The following GRM5 variants were observed in gnomAD, a reference collection of about 807,000 sequenced individuals.
GRM5 encodes the protein glutamate metabotropic receptor 5.
GRM5 carries 19 observed loss-of-function variants against 83.1 expected under a neutral mutation model. That is an observed-to-expected ratio of 0.23 (90% CI 0.16 to 0.34). The LOEUF (loss-of-function observed/expected upper bound fraction) is 0.34, where lower values mean the gene tolerates loss of function less well. Ranked by LOEUF, GRM5 falls within the 10% of genes least tolerant of loss-of-function variation. The pLI is 1.00. For synonymous variants in GRM5, 675 were observed against 633.6 expected (o/e 1.07, Z -0.98); for missense variants, 1,160 against 1,588.3 (o/e 0.73, Z 4.58).
rs115591319 is a variant in GRM5 at position 88,957,959 on chromosome 11, A to C, written c.661+89253T>G. On this transcript the variant is annotated intron_variant, in intron 2 of 9. Coordinates refer to ENST00000305447, the MANE Select transcript of GRM5 (RefSeq NM_001143831.3). ...GTTTTATCCTATCTCAAATTGTAGA[A>C]TCTTTTTAAGAACTATTTTTAATTT... Among the ~76,000 whole-genome samples the C allele has an allele frequency of 5.6e-3, 846 of 152,230 alleles. 6 individuals are homozygous for C. Among genetic ancestry groups the C allele is most frequent in the African/African-American group, 0.02 (819 of 41,566 alleles).
intron 2 of GRM5, among the ~76,000 whole-genome samples, chr11:88,957,006 T>G (rs572735): frequency 0.38 from 58,198 of 151,984 alleles, 12,732 homozygotes; most frequent in Non-Finnish European, 0.47. Context: ...TTTAATAAAT[T>G]CTCAGTAATT....
chr11:88,951,299 T>C (rs1590990828), intron 2 of GRM5, among the ~76,000 whole-genome samples: 1 of 152,206 alleles, frequency 6.6e-6, no homozygotes, highest in African/African-American at 2.4e-5. Flanking sequence ...AGAACAAAGA[T>C]TGAAGTAAAA....
intron 2 of GRM5, among the ~76,000 whole-genome samples, chr11:88,949,871 CTTTTA>C (rs1407316224): frequency 6.6e-6 from 1 of 151,732 alleles, no homozygotes; most frequent in Non-Finnish European, 1.5e-5. Flanking sequence ...ATATGCAATA[CTTTTA>C]TTTTTTCAGG....
At chr11:88,666,166 C>G (rs915524919) in intron 3 of GRM5, among the ~76,000 whole-genome samples, 1 of 152,118 alleles carries the variant, frequency 6.6e-6, no homozygotes, top group Non-Finnish European at 1.5e-5. Flanking sequence ...GGCAGTCATA[C>G]TGAATTGAAG....
intron 8 of GRM5, among the ~76,000 whole-genome samples, chr11:88,549,345 G>T (rs1461232771): frequency 1.3e-5 from 2 of 151,430 alleles, no homozygotes; most frequent in East Asian, 3.9e-4. Context: ...TGCACCTGTG[G>T]TTCCATTTAC....
intron 3 of GRM5, among the ~76,000 whole-genome samples, chr11:88,804,911 C>G (rs79861528): frequency 6.6e-6 from 1 of 152,078 alleles, no homozygotes; most frequent in Non-Finnish European, 1.5e-5. Context: ...AAAGCCCAGA[C>G]TTCACTACAC....
At chr11:88,650,275 A>G (rs922595332) in intron 4 of GRM5, among the ~76,000 whole-genome samples, 1 of 151,966 alleles carries the variant, frequency 6.6e-6, no homozygotes, top group African/African-American at 2.4e-5. Context: ...AAAAAGCCAA[A>G]CTTCTGTTTT....
chr11:88,785,224 T>C (rs1409701277), intron 3 of GRM5, among the ~76,000 whole-genome samples: 1 of 152,058 alleles, frequency 6.6e-6, no homozygotes, highest in Non-Finnish European at 1.5e-5. Context: ...TGCAGTTAAG[T>C]TCCCTTACAA....
chr11:88,709,015 T>C (rs1941224873), intron 3 of GRM5, among the ~76,000 whole-genome samples: 1 of 152,218 alleles, frequency 6.6e-6, no homozygotes, highest in African/African-American at 2.4e-5. Flanking sequence ...CCCATTTTTT[T>C]TTCATATTTT....
In GRM5 at chr11:88,945,649, TTCAA is replaced by T. The variant is rs565343800; in HGVS notation, c.662-95498_662-95495del. Among the ~76,000 whole-genome samples, 30 of 152,192 alleles carry T rather than the reference TTCAA, an allele frequency of 2.0e-4. No homozygotes were observed. In the South Asian group the frequency reaches 6.0e-3, roughly 30 times the overall value. On this transcript the variant is annotated intron_variant, in intron 2 of 9. Coordinates refer to ENST00000305447, the MANE Select transcript of GRM5 (RefSeq NM_001143831.3). ...TAAGCAATCAGGTAAGGAATGTCTA[TTCAA>T]TCAATGTTGCTGGATCAGCTGGCTA...
chr11:88,798,247 AT>A (rs1053467088), intron 3 of GRM5, among the ~76,000 whole-genome samples: 5 of 151,906 alleles, frequency 3.3e-5, no homozygotes, highest in African/African-American at 1.2e-4. Flanking sequence ...ATATCGTTCA[AT>A]TTTTTTTCTC....
chr11:89,058,662 A>G (rs1198228720), intron 1 of GRM5, among the ~76,000 whole-genome samples: 1 of 152,164 alleles, frequency 6.6e-6, no homozygotes, highest in African/African-American at 2.4e-5. Flanking sequence ...ATCTTGTTGA[A>G]AAGGTAGAAA....
At chr11:88,683,477 G>A (rs1940546104) in intron 3 of GRM5, among the ~76,000 whole-genome samples, 1 of 152,172 alleles carries the variant, frequency 6.6e-6, no homozygotes, top group Admixed American at 6.6e-5. Flanking sequence ...CTAGGCTAAA[G>A]CATGTTAATG....
chr11:88,649,098 A>G (rs186543524), intron 4 of GRM5, among the ~76,000 whole-genome samples: 124 of 144,236 alleles, frequency 8.6e-4, no homozygotes, highest in Admixed American at 6.1e-3. Context: ...TAAAATATAT[A>G]ATATATATTA....
chr11:88,982,459 C>A (rs1939557146), intron 2 of GRM5, among the ~76,000 whole-genome samples: 1 of 151,856 alleles, frequency 6.6e-6, no homozygotes, highest in Non-Finnish European at 1.5e-5. Context: ...TTGTCATTGC[C>A]AAATTATTTT....
At position 88,516,591 on chromosome 11, in the gene GRM5, C is replaced by T. The variant is rs1170831276; in HGVS notation, c.2727-7087G>A. Among the ~76,000 whole-genome samples the T allele has an allele frequency of 2.6e-5, 4 of 152,178 alleles. No homozygotes were observed. In the East Asian group the frequency reaches 7.7e-4, roughly 29 times the overall value. ...CTGTCTTACAGCACCTCAGCTGAAGCTTGTGACTTAAATCTGATGTACGAA... is the reference window on the plus strand; with the variant it reads ...CTGTCTTACAGCACCTCAGCTGAAGTTTGTGACTTAAATCTGATGTACGAA... On this transcript the variant is annotated intron_variant, in intron 9 of 9. Transcript: ENST00000305447.
chr11:89,057,336 T>C (rs1377673512), intron 1 of GRM5, among the ~76,000 whole-genome samples: 1 of 150,590 alleles, frequency 6.6e-6, no homozygotes, highest in East Asian at 1.9e-4. Flanking sequence ...GAAAGCTCCA[T>C]TGTCATTACT....
intron 2 of GRM5, among the ~76,000 whole-genome samples, chr11:89,008,326 ATTAAAT>A (rs1451668494): frequency 6.6e-6 from 1 of 152,152 alleles, no homozygotes; most frequent in African/African-American, 2.4e-5. Context: ...TCAAAATAAA[ATTAAAT>A]TTAAGTATGC....
chr11:88,703,908 G>T (rs1469342409), intron 3 of GRM5, among the ~76,000 whole-genome samples: 1 of 151,956 alleles, frequency 6.6e-6, no homozygotes, highest in Non-Finnish European at 1.5e-5. Flanking sequence ...GTCAGTTTGG[G>T]CTGCTTTGCC....
Sources: allele counts gnomAD v4.1 joint callset (sites outside exome capture counted in the v4.1 genomes callset), GRCh38; gene constraint gnomAD v4.1.1; transcripts MANE v1.5; gene names NCBI Gene and HGNC (gene_info 2026-07-23, HGNC 2026-07-21).